DNM3: variants seen among roughly 807,000 people sequenced by gnomAD.
DNM3 encodes dynamin-3.
In DNM3, 47 loss-of-function variants were observed where a neutral mutation model predicts 101.6. The ratio of observed to expected loss-of-function variants is 0.46; its 90% CI spans 0.37 to 0.59. The LOEUF is 0.59. Ranked by LOEUF, DNM3 falls within the 20% of genes least tolerant of loss-of-function variation. The pLI is 0.00. For missense variants in DNM3, 849 were observed against 1,085.7 expected, an observed-to-expected ratio of 0.78 and a Z score of 3.06; for synonymous variants, 385 against 387.9, an observed-to-expected ratio of 0.99 and a Z score of 0.09.
chr1:172,261,520 T>C (rs986924012), intron 15 of DNM3, among the ~76,000 whole-genome samples: 4 of 152,200 alleles, frequency 2.6e-5, no homozygotes, highest in Admixed American at 6.5e-5. Context: ...TGTGCACTGG[T>C]GCTGGTGTTG....
At chr1:172,278,367 G>A (rs186840293) in intron 15 of DNM3, among the ~76,000 whole-genome samples, 1 of 152,156 alleles carries the variant, frequency 6.6e-6, no homozygotes, top group Admixed American at 6.6e-5. Context: ...ATTGGAAGAA[G>A]AATTGTCTTG....
At chr1:172,391,882 A>G (rs920120639) in intron 20 of DNM3, among the ~76,000 whole-genome samples, 10 of 152,238 alleles carry the variant, frequency 6.6e-5, no homozygotes, top group Non-Finnish European at 1.3e-4. Flanking sequence ...AGATTCTGCC[A>G]TTCAGCATGG....
chr1:172,196,068 C>T (rs2059936453), intron 14 of DNM3, among the ~76,000 whole-genome samples: 1 of 151,744 alleles, frequency 6.6e-6, no homozygotes. Flanking sequence ...CACCCTCCAC[C>T]CTCAAGTAGA....
At chr1:172,365,840 T>A (rs2067987355) in intron 17 of DNM3, among the ~76,000 whole-genome samples, 1 of 151,932 alleles carries the variant, frequency 6.6e-6, no homozygotes, top group Non-Finnish European at 1.5e-5. Flanking sequence ...ACGTGAGAAG[T>A]CATAATCTTT....
intron 14 of DNM3, among the ~76,000 whole-genome samples, chr1:172,229,209 A>G (rs1028729877): frequency 6.6e-6 from 1 of 152,168 alleles, no homozygotes; most frequent in Non-Finnish European, 1.5e-5. Flanking sequence ...TCAACCAACC[A>G]TTATGCTTAA....
chr1:172,200,764 T>C (rs1357203178), intron 14 of DNM3, among the ~76,000 whole-genome samples: 2 of 152,184 alleles, frequency 1.3e-5, no homozygotes, highest in East Asian at 3.9e-4. Context: ...AGATTCTTTT[T>C]ATACTGGCTA....
Position 172,408,350 on chromosome 1 carries a change from T to C in DNM3, c.*509T>C. The C allele has an allele frequency of 3.0e-6, 3 of 986,412 alleles. No homozygotes were observed. Among genetic ancestry groups the C allele is most frequent in the Non-Finnish European group, 3.6e-6 (3 of 830,570 alleles). 61.1% of individuals were successfully genotyped at this position (986,412 alleles called of 1,614,324 possible). On this transcript the variant is annotated 3_prime_UTR_variant, in exon 21 of 21. Transcript: ENST00000627582. ...TTTCTTCCTTTTTATTTCATAAGAC[T>C]GCTAGGAAGTGATTTTTTAAAATTA...
chr1:171,847,327 A>G (rs754869013), intron 1 of DNM3, among the ~76,000 whole-genome samples: 1 of 152,208 alleles, frequency 6.6e-6, no homozygotes, highest in Non-Finnish European at 1.5e-5. Flanking sequence ...ATATAAGTGG[A>G]AAGTAGACAA....
intron 14 of DNM3, among the ~76,000 whole-genome samples, chr1:172,204,546 T>C (rs1051735217): frequency 6.6e-6 from 1 of 152,160 alleles, no homozygotes; most frequent in Admixed American, 6.6e-5. Context: ...TTTTTTGCCT[T>C]TGCCTCCATG....
At chr1:172,265,074 A>T (rs2062807095) in intron 15 of DNM3, among the ~76,000 whole-genome samples, 1 of 152,152 alleles carries the variant, frequency 6.6e-6, no homozygotes, top group Non-Finnish European at 1.5e-5. Context: ...CATGGAACTG[A>T]CCATTGCTCC....
intron 14 of DNM3, chr1:172,140,601 A>T (rs1258378591): frequency 6.6e-6 from 1 of 152,024 alleles, no homozygotes. Flanking sequence ...TGCAACCTGA[A>T]AAAATAAAAA....
chr1:171,918,337 G>A (rs143628527), intron 1 of DNM3, among the ~76,000 whole-genome samples: 58 of 152,264 alleles, frequency 3.8e-4, no homozygotes, highest in Admixed American at 7.8e-4. Context: ...AAATAGGTTC[G>A]GAGAGAATTT....
intron 15 of DNM3, among the ~76,000 whole-genome samples, chr1:172,272,872 T>C (rs2063138641): frequency 6.6e-6 from 1 of 152,092 alleles, no homozygotes; most frequent in Non-Finnish European, 1.5e-5. Context: ...AGTGTGCACT[T>C]CTCCAGCTAA....
chr1:172,102,414 G>T (rs1268840891), intron 13 of DNM3, among the ~76,000 whole-genome samples: 1 of 152,164 alleles, frequency 6.6e-6, no homozygotes, highest in Non-Finnish European at 1.5e-5. Context: ...CTGTTAATTT[G>T]TTCTGCGTCT....
At chr1:172,195,586 G>A (rs1179191160) in intron 14 of DNM3, among the ~76,000 whole-genome samples, 1 of 151,814 alleles carries the variant, frequency 6.6e-6, no homozygotes, top group East Asian at 1.9e-4. Context: ...TTATCAAGTT[G>A]AAGAAGTTCC....
At chr1:171,993,293 G>A (rs2045759939) in intron 4 of DNM3, among the ~76,000 whole-genome samples, 1 of 151,470 alleles carries the variant, frequency 6.6e-6, no homozygotes, top group African/African-American at 2.4e-5. Context: ...TGTCAGTAAG[G>A]GATTCTCTTG....
At chr1:171,852,980 A>G (rs544676167) in intron 1 of DNM3, among the ~76,000 whole-genome samples, 1 of 152,156 alleles carries the variant, frequency 6.6e-6, no homozygotes, top group Non-Finnish European at 1.5e-5. Context: ...TGTGTTTTCT[A>G]TAGGTTATCT....
intron 2 of DNM3, among the ~76,000 whole-genome samples, chr1:171,930,956 G>A (rs1571678737): frequency 6.6e-6 from 1 of 152,166 alleles, no homozygotes; most frequent in Non-Finnish European, 1.5e-5. Flanking sequence ...AGAGTATATC[G>A]CTTAGGGGGA....
At chr1:171,936,608 G>C (rs1014180565) in intron 2 of DNM3, among the ~76,000 whole-genome samples, 2 of 151,748 alleles carry the variant, frequency 1.3e-5, no homozygotes, top group Non-Finnish European at 2.9e-5. Flanking sequence ...TTTTGTAGAA[G>C]GTTTTCTTGC....
Sources: allele counts gnomAD v4.1 joint callset (sites outside exome capture counted in the v4.1 genomes callset), GRCh38; gene constraint gnomAD v4.1.1; transcripts MANE v1.5; gene names NCBI Gene and HGNC (gene_info 2026-07-23, HGNC 2026-07-21).